The following DCST2 variants were observed in gnomAD, a reference collection of about 807,000 sequenced individuals.
The protein encoded by DCST2 is DC-STAMP domain-containing protein 2.
DCST2 carries 64 observed loss-of-function variants against 81.8 expected under a neutral mutation model. The observed-to-expected ratio is 0.78, with a 90% CI of 0.64 to 0.96. The LOEUF (loss-of-function observed/expected upper bound fraction) is 0.96. Among genes scored for constraint, DCST2 ranks in the 40% least tolerant of loss-of-function variants. The pLI is 0.00. For synonymous variants in DCST2, 354 were observed against 402.6 expected, an observed-to-expected ratio of 0.88 and a Z score of 1.44; for missense variants, 945 against 1,001.4, an observed-to-expected ratio of 0.94 and a Z score of 0.76.
At position 155,026,714 on chromosome 1, in the gene DCST2, AC is replaced by A. The variant is rs777730328; in HGVS notation, c.1343del (p.Ser448IlefsTer7). ...HQLQGEIVAR[S>X]PVLVSLTVEG... Reference sequence around the variant, plus strand: ...CCACGGTTAGAGACACCAACACAGGACCTGGCACAAAGACACTGTGTGAGTG... The same window carrying A: ...CCACGGTTAGAGACACCAACACAGGACTGGCACAAAGACACTGTGTGAGTG... On this transcript the variant is annotated frameshift_variant and splice_region_variant, in exon 9 of 15. Transcript: ENST00000368424. LOFTEE classifies it high-confidence loss of function. 1.2e-6 allele frequency: 2 copies of A among 1,614,010 alleles called. No homozygotes were observed. The highest frequency in any genetic ancestry group is 1.7e-6 in the Non-Finnish European group (2 of 1,180,030).
chr1:155,026,855 G>GC, intron 8 of DCST2, 140 bp from the exon 9 acceptor site: 1 of 996,928 alleles, frequency 1.0e-6, no homozygotes. Context: ...GATGCCTCAG[G>GC]CACCCTCATG....
At position 155,030,416 on chromosome 1, in the gene DCST2, C is replaced by G; in HGVS notation, c.1019+16G>C. ...CCCCGGCCCTGCATCCCCCACGCTG[C>G]CCGGCAGCCCCTCACTGGAGGTAGA... On this transcript the variant is annotated intron_variant, in intron 6 of 14. Coordinates refer to ENST00000368424, the MANE Select transcript of DCST2 (RefSeq NM_144622.3). 6.2e-7 allele frequency: 1 copy of G among 1,611,700 alleles called. No homozygotes were observed. Among genetic ancestry groups the G allele is most frequent in the Non-Finnish European group, 8.5e-7 (1 of 1,179,034 alleles).
chr1:155,031,949 G>T (rs375765348), intron 3 of DCST2, among the ~76,000 whole-genome samples, 178 bp from the exon 4 acceptor site: 330 of 152,276 alleles, frequency 2.2e-3, no homozygotes, highest in Non-Finnish European at 2.4e-3. Context: ...CCCTGGACAG[G>T]GTACAGGTGA....
intron 7 of DCST2, among the ~76,000 whole-genome samples, chr1:155,029,731 C>T (rs566151333): frequency 5.3e-5 from 8 of 152,296 alleles, no homozygotes; most frequent in African/African-American, 1.9e-4. Context: ...ATTAGCACTT[C>T]CTGCCCACCC....
chr1:155,032,378 G>A (rs961430879), intron 3 of DCST2, among the ~76,000 whole-genome samples: 1 of 151,680 alleles, frequency 6.6e-6, no homozygotes, highest in African/African-American at 2.4e-5. Context: ...ATAGCTCACT[G>A]CAGCCTCAAA....
chr1:155,031,088 T>C, intron 5 of DCST2, 81 bp downstream of exon 5: 1 of 1,444,220 alleles, frequency 6.9e-7, no homozygotes, highest in South Asian at 1.3e-5. Flanking sequence ...CTGGGAGCAC[T>C]GGGGGCTGGC....
chr1:155,022,800 C>G (rs193114052), intron 14 of DCST2, among the ~76,000 whole-genome samples: 298 of 152,212 alleles, frequency 2.0e-3, no homozygotes, highest in African/African-American at 6.8e-3. Context: ...TTCTATGAAG[C>G]CTTCATTAAT....
In DCST2 at chr1:155,026,409, G is replaced by A. The variant is rs201207318; in HGVS notation, c.1511-7C>T. The A allele has an allele frequency of 1.8e-5, 29 of 1,613,558 alleles. No homozygotes were observed. Among genetic ancestry groups the A allele is most frequent in the Non-Finnish European group, 2.3e-5 (27 of 1,180,006 alleles). On this transcript the variant is annotated splice_polypyrimidine_tract_variant and splice_region_variant and intron_variant, in intron 9 of 14. Coordinates refer to ENST00000368424, the MANE Select transcript of DCST2 (RefSeq NM_144622.3). The stretch of plus-strand genomic sequence containing the variant: ...CATAGGCCATACATGACGCCTGGGA[G>A]CACAGCAGCCACAGTCAGCCTCACC...
rs754890470 is a variant in DCST2 at position 155,032,742 on chromosome 1, CA to C, written c.465del (p.Ile155MetfsTer23). The C allele has an allele frequency of 6.2e-7, 1 of 1,614,150 alleles. No individual in the cohort carries two copies. Among genetic ancestry groups the C allele is most frequent in the Non-Finnish European group, 8.5e-7 (1 of 1,180,012 alleles). Reference protein sequence around the residue: ...LVSALNKIKAIARKTKEVADR... With the variant: ...LVSALNKIKAXARKTKEVADR... ...TCAGCCACCTCTTTGGTCTTCCGGG[CA>C]ATAGCTTTAATCTTGTTCAGGGCAC... On this transcript the variant is annotated frameshift_variant, in exon 3 of 15. Transcript: ENST00000368424. LOFTEE classifies it high-confidence loss of function.
rs933106100 is a variant in DCST2 at position 155,023,458 on chromosome 1, C to T, written c.1871-1G>A. 6.3e-7 allele frequency: 1 copy of T among 1,587,488 alleles called. No homozygotes were observed. The highest frequency in any genetic ancestry group is 8.6e-7 in the Non-Finnish European group (1 of 1,166,550). ...CGGAAGCAAGTGAGGCAGTAGAGAC[C>T]TGGTGGAGGCCATGGGGAATGGAGG... On this transcript the variant is annotated splice_acceptor_variant, in intron 12 of 14. Coordinates refer to ENST00000368424, the MANE Select transcript of DCST2 (RefSeq NM_144622.3). LOFTEE classifies it high-confidence loss of function.
intron 4 of DCST2, 150 bp downstream of exon 4, chr1:155,031,423 AC>A: frequency 3.1e-6 from 1 of 324,624 alleles, no homozygotes. Flanking sequence ...GCCCACCCCC[AC>A]CCCCAATACT....
At chr1:155,021,836 C>A (rs1201161076) in intron 14 of DCST2, among the ~76,000 whole-genome samples, 1 of 151,894 alleles carries the variant, frequency 6.6e-6, no homozygotes, top group Non-Finnish European at 1.5e-5. Context: ...TCCTGCCCAA[C>A]CTCCACTCTG....
At position 155,033,533 on chromosome 1, in the gene DCST2, C is replaced by T; in HGVS notation, c.169G>A (p.Val57Met). 1.2e-6 allele frequency: 2 copies of T among 1,614,102 alleles called. No homozygotes were observed. Among genetic ancestry groups the T allele is most frequent in the South Asian group, 2.2e-5 (2 of 91,084 alleles). ...AAGGCAGCCAAAGTGAGGGTGCCCA[C>T]CAGGCAACCCCAGGGGCTGTGGCCT... ...VEGHSPWGCL[V>M]GTLTLAAFLS... The change falls in exon 1 of 15, where the codon GTG becomes ATG. Residue 57 changes from valine (V) to methionine (M), a missense_variant. Val to Met is a conservative substitution (Grantham distance 21). Transcript: ENST00000368424.
At position 155,032,667 on chromosome 1, in the gene DCST2, C is replaced by G. The variant is rs1350435859; in HGVS notation, c.541G>C (p.Ala181Pro). ...GGGATAGACATGCTAATGTGCTTAC[C>G]TATGTGTTTCACACCATCCATGATT... ...RSIMDGVKHIARALRNVWQWL... is the reference protein window; with the variant it reads ...RSIMDGVKHIPRALRNVWQWL... Residue 181 changes from alanine to proline, a missense_variant and splice_region_variant, in exon 3 of 15, where the codon GCC becomes CCC. By Grantham distance (27) the Ala-to-Pro change is conservative (BLOSUM62 -1). Coordinates refer to ENST00000368424, the MANE Select transcript of DCST2 (RefSeq NM_144622.3). The G allele has an allele frequency of 6.2e-7, 1 of 1,613,672 alleles. No individual in the cohort carries two copies.
Position 155,031,610 on chromosome 1 carries a change from T to G in DCST2, c.703A>C (p.Met235Leu), listed in dbSNP as rs536165704. 3.2e-6 allele frequency: 5 copies of G among 1,584,054 alleles called. No individual in the cohort carries two copies. The highest frequency in any genetic ancestry group is 4.3e-6 in the Non-Finnish European group (5 of 1,163,256). Residue 235 changes from methionine (M) to leucine (L), a missense_variant, in exon 4 of 15, where the codon ATG (methionine) becomes CTG (leucine). Coordinates refer to ENST00000368424, the MANE Select transcript of DCST2 (RefSeq NM_144622.3). ...CCACAGAGCGCCAGTTTGAAGGGCATGAGCACGTAACACAGGTGGTAGGCT... is the reference window on the plus strand; with the variant it reads ...CCACAGAGCGCCAGTTTGAAGGGCAGGAGCACGTAACACAGGTGGTAGGCT... ...PQAYHLCYVL[M>L]PFKLALCGLA... is the part of the protein sequence containing the mutation.
intron 14 of DCST2, among the ~76,000 whole-genome samples, chr1:155,020,465 G>A (rs1256468379): frequency 2.0e-5 from 3 of 152,162 alleles, no homozygotes; most frequent in Admixed American, 6.5e-5. Flanking sequence ...CGCCTCCCGC[G>A]TTCAAGTGAT....
At chr1:155,024,768 G>A (rs1490487837) in intron 10 of DCST2, among the ~76,000 whole-genome samples, 166 bp from the exon 11 acceptor site, 5 of 152,186 alleles carry the variant, frequency 3.3e-5, no homozygotes, top group African/African-American at 9.7e-5. Flanking sequence ...ACTTGCCCAG[G>A]TGGAGTTACC....
chr1:155,030,655 G>T lies in DCST2; in HGVS notation c.806-10C>A. The T allele has an allele frequency of 6.2e-7, 1 of 1,613,854 alleles. No individual in the cohort carries two copies. Among genetic ancestry groups the T allele is most frequent in the Middle Eastern group, 1.7e-4 (1 of 6,056 alleles). ...AGCAACTGAATCACGGCTGGGGCCA[G>T]CAGGTTCAGGGGAGACGTGGGCAAG... On this transcript the variant is annotated splice_polypyrimidine_tract_variant and intron_variant, in intron 5 of 14. Transcript: ENST00000368424.
rs1659801842 is a variant in DCST2 at position 155,023,251 on chromosome 1, G to A, written c.1971C>T (p.Ser657=). 1 of 1,613,982 alleles carries A rather than the reference G, an allele frequency of 6.2e-7. No individual in the cohort carries two copies. Among genetic ancestry groups the A allele is most frequent in the South Asian group, 1.1e-5 (1 of 91,090 alleles). Residue 657 remains serine, a synonymous_variant, in exon 14 of 15, where the codon TCC becomes TCT. Transcript: ENST00000368424. ...ATAGCTGAGGGCCCTCCTCATCGCT[G>A]GAGTCCCTGGAGAAGACTCTCATCT... The part of the protein sequence containing the change: ...YQGDLDLELD[S]SDEEGPQLWL...
Sources: allele counts gnomAD v4.1 joint callset (sites outside exome capture counted in the v4.1 genomes callset), GRCh38; gene constraint gnomAD v4.1.1; transcripts MANE v1.5; gene names NCBI Gene and HGNC (gene_info 2026-07-23, HGNC 2026-07-21).